The following MTA1 variants were observed in gnomAD, a reference collection of about 807,000 sequenced individuals.
MTA1 encodes metastasis-associated protein MTA1.
Under a neutral mutation model 97.0 loss-of-function variants are expected in MTA1, and 15 were observed. That is an observed-to-expected ratio of 0.15 (90% confidence interval 0.10 to 0.24). The LOEUF is 0.24. Ranked by LOEUF, MTA1 falls within the 10% of genes least tolerant of loss-of-function variation. MTA1 has a pLI of 1.00. For synonymous variants in MTA1, 435 were observed against 417.5 expected (o/e 1.04, Z -0.51); for missense variants, 709 against 1,015.1 (o/e 0.70, Z 4.10).
At chr14:105,447,581 G>A (rs999556632) in intron 3 of MTA1, among the ~76,000 whole-genome samples, 1 of 152,174 alleles carries the variant, frequency 6.6e-6, no homozygotes, top group African/African-American at 2.4e-5. Context: ...GATAGGACTG[G>A]GTGGAGAGCA....
chr14:105,424,284 C>T lies in MTA1; in HGVS notation c.28+4221C>T, dbSNP rs1428229188. ...ATCTGGGCTCACTGCAAGTCCGCCT[C>T]CCGGGTTCACACCATTCTCCTGCCT... On this transcript the variant is annotated intron_variant, in intron 1 of 20. Coordinates refer to ENST00000331320, the MANE Select transcript of MTA1 (RefSeq NM_004689.4). The surrounding 1 kb of genome is among the most constrained non-coding windows in gnomAD (Gnocchi z 4.0). Among the ~76,000 whole-genome samples the T allele has an allele frequency of 3.3e-5, 5 of 152,076 alleles. No homozygotes were observed. Among genetic ancestry groups the T allele is most frequent in the Non-Finnish European group, 7.4e-5 (5 of 68,018 alleles).
intron 6 of MTA1, among the ~76,000 whole-genome samples, chr14:105,450,788 C>T (rs781999685): frequency 2.0e-5 from 3 of 152,168 alleles, no homozygotes; most frequent in African/African-American, 7.2e-5. Context: ...GTTAACCTGC[C>T]GTATAGCATC....
At position 105,445,402 on chromosome 14, in the gene MTA1, T is replaced by G. The variant is rs147590251; in HGVS notation, c.97-16T>G. On this transcript the variant is annotated splice_polypyrimidine_tract_variant and intron_variant, in intron 2 of 20. Coordinates refer to ENST00000331320, the MANE Select transcript of MTA1 (RefSeq NM_004689.4). Reference sequence around the variant, plus strand: ...TTTGGTCGCGTTTCTCAGACGCCCCTGCCTTGCTGTTACAGACGGCCAATG... The same window carrying G: ...TTTGGTCGCGTTTCTCAGACGCCCCGGCCTTGCTGTTACAGACGGCCAATG... The G allele has an allele frequency of 6.2e-7, 1 of 1,612,616 alleles. No homozygotes were observed. The highest frequency in any genetic ancestry group is 1.1e-5 in the South Asian group (1 of 90,914).
At chr14:105,426,174 A>G (rs1307387077) in intron 1 of MTA1, among the ~76,000 whole-genome samples, 1 of 152,046 alleles carries the variant, frequency 6.6e-6, no homozygotes, top group African/African-American at 2.4e-5. Flanking sequence ...CCCCTGGGGC[A>G]TGGAGGGGAC....
Position 105,464,465 on chromosome 14 carries a change from T to G in MTA1, c.1242T>G (p.Cys414Trp). Residue 414 changes from cysteine to tryptophan, a missense_variant, in exon 14 of 21, where the codon TGT becomes TGG. Cys to Trp is a radical substitution (Grantham distance 215). Coordinates refer to ENST00000331320, the MANE Select transcript of MTA1 (RefSeq NM_004689.4). ...WYSWGPPNMQ[C>W]RLCASCWTYW... ...CTTGGGGTCCCCCTAACATGCAGTG[T>G]CGTCTCTGCGCATCTTGTTGGACAT... 6.2e-7 allele frequency: 1 copy of G among 1,613,660 alleles called. No homozygotes were observed. Among genetic ancestry groups the G allele is most frequent in the Non-Finnish European group, 8.5e-7 (1 of 1,179,940 alleles).
intron 10 of MTA1, among the ~76,000 whole-genome samples, chr14:105,461,357 C>T (rs2083340698): frequency 6.6e-6 from 1 of 152,220 alleles, no homozygotes; most frequent in South Asian, 2.1e-4. Flanking sequence ...TCCTTGTTTT[C>T]TGTCTCACGT....
chr14:105,454,352 C>T (rs1555429418), intron 7 of MTA1, 42 bp downstream of exon 7: 2 of 1,424,188 alleles, frequency 1.4e-6, no homozygotes, highest in African/African-American at 1.4e-5. Flanking sequence ...CTGTCCTGTC[C>T]TGTCCTGCCG....
chr14:105,440,537 AT>A (rs2082476100), intron 2 of MTA1, among the ~76,000 whole-genome samples: 1 of 152,222 alleles, frequency 6.6e-6, no homozygotes, highest in Non-Finnish European at 1.5e-5. Context: ...CAGACAGTAG[AT>A]TGCAGGCGTG....
chr14:105,464,248 G>C, intron 13 of MTA1, 101 bp downstream of exon 13: 1 of 1,376,454 alleles, frequency 7.3e-7, no homozygotes, highest in Non-Finnish European at 9.9e-7. Flanking sequence ...CCTGCAAGGG[G>C]CCCACTGACG....
At chr14:105,449,718 G>A (rs1371640613) in intron 4 of MTA1, among the ~76,000 whole-genome samples, 4 of 152,246 alleles carry the variant, frequency 2.6e-5, no homozygotes, top group South Asian at 2.1e-4. Flanking sequence ...CTTGGCAGCC[G>A]CCGACTCCCC....
chr14:105,466,426 A>AGT lies in MTA1; in HGVS notation c.1626_1627insTG (p.Thr543Ter). ...GTTCTGCCTGTGTCATTCCCGGCAGAGACCCACCCCCGCCCCCCCAAGCCT... is the reference window on the plus strand; with the variant it reads ...GTTCTGCCTGTGTCATTCCCGGCAGAGTGACCCACCCCCGCCCCCCCAAGCCT... On this transcript the variant is annotated frameshift_variant and splice_region_variant, in exon 17 of 21. Coordinates refer to ENST00000331320, the MANE Select transcript of MTA1 (RefSeq NM_004689.4). LOFTEE classifies it high-confidence loss of function. 2.4e-5 allele frequency: 35 copies of AGT among 1,484,000 alleles called. No homozygotes were observed. The highest frequency in any genetic ancestry group is 2.9e-5 in the Non-Finnish European group (31 of 1,071,130). The allele number at this position is 1,484,000 out of a possible 1,614,324, so 91.9% of individuals were successfully genotyped here.
intron 10 of MTA1, 55 bp downstream of exon 10, chr14:105,461,008 G>A: frequency 6.4e-7 from 1 of 1,550,794 alleles, no homozygotes; most frequent in Non-Finnish European, 8.8e-7. Context: ...TCTCCAGGTA[G>A]GCTGCGGGGG....
At chr14:105,444,711 A>G (rs1421122426) in intron 2 of MTA1, among the ~76,000 whole-genome samples, 8 of 150,922 alleles carry the variant, frequency 5.3e-5, no homozygotes, top group African/African-American at 2.0e-4. Context: ...GAATCACTTG[A>G]ACCCAGGAGG....
intron 16 of MTA1, 50 bp from the exon 17 acceptor site, chr14:105,466,376 C>G: frequency 1.9e-6 from 3 of 1,552,708 alleles, no homozygotes; most frequent in South Asian, 2.3e-5. Context: ...CTGCCTGCCC[C>G]TCCCCTGCTG....
intron 7 of MTA1, among the ~76,000 whole-genome samples, chr14:105,457,310 G>A (rs782677272): frequency 6.6e-5 from 10 of 152,234 alleles, no homozygotes; most frequent in Non-Finnish European, 1.0e-4. Flanking sequence ...TTGTTTTTTG[G>A]CGAGTAAAAG....
chr14:105,451,928 T>G (rs957106167), intron 6 of MTA1, among the ~76,000 whole-genome samples: 1 of 151,874 alleles, frequency 6.6e-6, no homozygotes, highest in East Asian at 1.9e-4. Context: ...GTAGCTGGGA[T>G]TACAGACGTG....
chr14:105,449,282 G>T (rs1238525998), intron 3 of MTA1, 77 bp from the exon 4 acceptor site: 1 of 1,474,064 alleles, frequency 6.8e-7, no homozygotes, highest in Non-Finnish European at 9.2e-7. Context: ...CACAGCCCTC[G>T]GTCCGGGCCC....
chr14:105,432,875 AGAGTGTCTGCGACTTCCATGC>A (rs1248817361), intron 1 of MTA1, among the ~76,000 whole-genome samples: 2 of 152,164 alleles, frequency 1.3e-5, no homozygotes. Flanking sequence ...TGGTTACAGC[AGAGTGTCTGCGACTTCCATGC>A]GAGTGCAAGG....
chr14:105,439,484 G>A (rs1266834842), intron 2 of MTA1, among the ~76,000 whole-genome samples: 2 of 152,200 alleles, frequency 1.3e-5, no homozygotes, highest in African/African-American at 2.4e-5. Context: ...CCATCAGCTC[G>A]GGAGACAGAG....
Sources: gnomAD v4.1 joint callset for allele counts (sites outside exome capture counted in the v4.1 genomes callset) on GRCh38, gnomAD v4.1.1 for gene constraint, Gnocchi (gnomAD v3.1) non-coding constraint, MANE v1.5 for transcripts, NCBI Gene and HGNC (gene_info 2026-07-23, HGNC 2026-07-21) for gene names.